ZDHHC21: variants seen among roughly 807,000 people sequenced by gnomAD.
ZDHHC21 encodes the protein zDHHC palmitoyltransferase 21, also known as palmitoyltransferase ZDHHC21.
In ZDHHC21, 15 loss-of-function variants were observed where a neutral mutation model predicts 34.6. The observed-to-expected ratio is 0.43, with a 90% confidence interval of 0.29 to 0.67. ZDHHC21 has a LOEUF of 0.67. Ranked by LOEUF, ZDHHC21 falls within the 30% of genes least tolerant of loss-of-function variation. The pLI, the probability that ZDHHC21 is intolerant of heterozygous loss-of-function variation, is 0.14. For missense variants in ZDHHC21, 344 were observed against 327.7 expected, an observed-to-expected ratio of 1.05 and a Z score of -0.38; for synonymous variants, 142 against 101.8, an observed-to-expected ratio of 1.40 and a Z score of -2.38.
intron 2 of ZDHHC21, among the ~76,000 whole-genome samples, chr9:14,684,910 C>A (rs908226247): frequency 1.3e-5 from 2 of 152,304 alleles, no homozygotes; most frequent in African/African-American, 4.8e-5. Flanking sequence ...ACATCTACAA[C>A]CACCTGATCT....
chr9:14,659,061 T>C (rs1272047802), intron 6 of ZDHHC21, among the ~76,000 whole-genome samples, 174 bp from the exon 7 acceptor site: 1 of 152,098 alleles, frequency 6.6e-6, no homozygotes, highest in Non-Finnish European at 1.5e-5. Flanking sequence ...AAATATACCA[T>C]CTTATATTTG....
At chr9:14,665,845 G>A (rs1207514257) in intron 5 of ZDHHC21, among the ~76,000 whole-genome samples, 2 of 149,122 alleles carry the variant, frequency 1.3e-5, no homozygotes, top group East Asian at 3.9e-4. Flanking sequence ...GCTCCTGAAG[G>A]AAGCGCTAAA....
chr9:14,629,944 G>C (rs1439032750), intron 8 of ZDHHC21, among the ~76,000 whole-genome samples: 1 of 152,150 alleles, frequency 6.6e-6, no homozygotes, highest in Non-Finnish European at 1.5e-5. Flanking sequence ...TACTTGGGAG[G>C]CTGAGGCAGG....
intron 7 of ZDHHC21, among the ~76,000 whole-genome samples, chr9:14,646,556 T>C (rs1830306969): frequency 6.6e-6 from 1 of 152,116 alleles, no homozygotes; most frequent in South Asian, 2.1e-4. Flanking sequence ...ACCACCTCTC[T>C]GATCTCATCT....
At chr9:14,590,618 C>T in the ZDHHC21 span, among the ~76,000 whole-genome samples, 1 of 152,098 alleles carries the variant, frequency 6.6e-6, no homozygotes. Flanking sequence ...AGGGGACAAA[C>T]TCCACCAACC....
At chr9:14,664,195 G>A (rs1455367162) in intron 5 of ZDHHC21, among the ~76,000 whole-genome samples, 1 of 146,658 alleles carries the variant, frequency 6.8e-6, no homozygotes, top group Non-Finnish European at 1.5e-5. Flanking sequence ...TGCCTCACTC[G>A]GGAAGCGCAA....
At chr9:14,604,136 A>G in the ZDHHC21 span, among the ~76,000 whole-genome samples, 1 of 152,200 alleles carries the variant, frequency 6.6e-6, no homozygotes, top group Non-Finnish European at 1.5e-5. Context: ...GTGGGGGAAG[A>G]TGAAACAATA....
At chr9:14,627,910 T>C (rs1826582667) in intron 8 of ZDHHC21, among the ~76,000 whole-genome samples, 1 of 152,048 alleles carries the variant, frequency 6.6e-6, no homozygotes, top group Non-Finnish European at 1.5e-5. Context: ...TCACTATCCA[T>C]TTGATTCAGA....
intron 7 of ZDHHC21, among the ~76,000 whole-genome samples, chr9:14,640,484 T>C (rs951719867): frequency 6.6e-5 from 10 of 152,104 alleles, no homozygotes; most frequent in African/African-American, 2.2e-4. Flanking sequence ...CTAGAAATCA[T>C]TAACGTGGAC....
Position 14,618,504 on chromosome 9 carries a change from T to A in ZDHHC21, c.*462A>T, listed in dbSNP as rs1242929427. On this transcript the variant is annotated 3_prime_UTR_variant, in exon 10 of 10. Coordinates refer to ENST00000380916, the MANE Select transcript of ZDHHC21 (RefSeq NM_178566.6). The stretch of plus-strand genomic sequence containing the variant: ...AAGGAAAGGTTATTTTAAATTGGAT[T>A]TGAAAAAGAAAATTTACCTATACTA... 6.6e-6 allele frequency: 1 copy of A among 152,572 alleles called. No individual in the cohort carries two copies. Among genetic ancestry groups the A allele is most frequent in the Non-Finnish European group, 1.5e-5 (1 of 68,096 alleles). 9.5% of individuals were successfully genotyped at this position (152,572 alleles called of 1,614,324 possible).
chr9:14,658,723 G>A (rs762173542), intron 7 of ZDHHC21, 26 bp downstream of exon 7: 164 of 1,606,446 alleles, frequency 1.0e-4, no homozygotes, highest in East Asian at 1.6e-4. Flanking sequence ...CGCCCGCCTC[G>A]GCCTCCCAAT....
chr9:14,658,906 A>G lies in ZDHHC21; in HGVS notation c.366-19T>C, dbSNP rs767083885. ...GTTAATCCTAAAGAAAAAAAATGAA[A>G]AAGAAACAATATTTTAAATTTCAAG... is the stretch of plus-strand genomic sequence containing the variant. On this transcript the variant is annotated intron_variant, in intron 6 of 9. Transcript: ENST00000380916. The G allele has an allele frequency of 5.0e-6, 8 of 1,593,408 alleles. No homozygotes were observed. In the East Asian group the frequency reaches 1.8e-4, roughly 36 times the overall value.
downstream of ZDHHC21, among the ~76,000 whole-genome samples, chr9:14,608,277 A>G (rs1490343228): frequency 6.6e-6 from 1 of 152,056 alleles, no homozygotes; most frequent in Non-Finnish European, 1.5e-5. Flanking sequence ...TAGGTACTCA[A>G]ACATTCAGTT....
At chr9:14,682,277 T>C (rs1001679782) in intron 2 of ZDHHC21, among the ~76,000 whole-genome samples, 3 of 152,136 alleles carry the variant, frequency 2.0e-5, no homozygotes, top group Non-Finnish European at 2.9e-5. Context: ...CCCATCAGTG[T>C]GCTGTATTCA....
At chr9:14,667,348 G>C (rs916363263) in intron 5 of ZDHHC21, among the ~76,000 whole-genome samples, 1 of 151,140 alleles carries the variant, frequency 6.6e-6, no homozygotes, top group Non-Finnish European at 1.5e-5. Context: ...TGAAATTGTG[G>C]CAATAATCAA....
At position 14,618,214 on chromosome 9, in the gene ZDHHC21, C is replaced by T. The variant is rs186554685; in HGVS notation, c.*752G>A. 2.3e-3 allele frequency: 347 copies of T among 152,450 alleles called. 7 individuals are homozygous for T. The highest frequency in any genetic ancestry group is 2.5e-3 in the East Asian group (13 of 5,170). 9.4% of individuals were successfully genotyped at this position (152,450 alleles called of 1,614,324 possible). A position where few individuals can be genotyped will look rare whatever the true frequency, so the allele number is the denominator to read the frequency against. ...ACATGCCCACTGGTCAGGAGTTCTC[C>T]TGGGAGCAAATATTTTAATCACAAT... On this transcript the variant is annotated 3_prime_UTR_variant, in exon 10 of 10. Coordinates refer to ENST00000380916, the MANE Select transcript of ZDHHC21 (RefSeq NM_178566.6).
the ZDHHC21 span, among the ~76,000 whole-genome samples, chr9:14,600,734 T>C: frequency 6.6e-6 from 1 of 152,212 alleles, no homozygotes; most frequent in Non-Finnish European, 1.5e-5. Flanking sequence ...GGCATTATGC[T>C]ACCTGACTTC....
At chr9:14,674,428 AT>A in intron 3 of ZDHHC21, 43 bp from the exon 4 acceptor site, 1 of 1,346,390 alleles carries the variant, frequency 7.4e-7, no homozygotes, top group South Asian at 1.5e-5. Context: ...ACATAGAAAA[AT>A]TTGACTAAAA....
intron 5 of ZDHHC21, among the ~76,000 whole-genome samples, chr9:14,664,219 T>G (rs1307209046): frequency 6.6e-6 from 1 of 152,056 alleles, no homozygotes; most frequent in Non-Finnish European, 1.5e-5. Context: ...GTCAGGGAGT[T>G]CCCTTTCCGA....
Sources: gnomAD v4.1 joint callset for allele counts (sites outside exome capture counted in the v4.1 genomes callset) on GRCh38, gnomAD v4.1.1 for gene constraint, MANE v1.5 for transcripts, NCBI Gene and HGNC (gene_info 2026-07-23, HGNC 2026-07-21) for gene names.